ARHGAP44: variants seen among roughly 807,000 people sequenced by gnomAD.
The protein encoded by ARHGAP44 is Rho GTPase activating protein 44.
Under a neutral mutation model 106.8 loss-of-function variants are expected in ARHGAP44, and 43 were observed. The ratio of observed to expected loss-of-function variants is 0.40; its 90% CI spans 0.32 to 0.52. The LOEUF is 0.52. ARHGAP44 is among the 20% of genes least tolerant of loss of function. The pLI is 0.48. For missense variants in ARHGAP44, 866 were observed against 1,050.5 expected (o/e 0.82, Z 2.43); for synonymous variants, 439 against 410.3 (o/e 1.07, Z -0.85).
chr17:12,878,834 G>C lies in ARHGAP44; in HGVS notation c.54-16106G>C, dbSNP rs143080026. 3.9e-3 allele frequency among the ~76,000 whole-genome samples: 592 copies of C among 152,252 alleles called. 5 individuals are homozygous for C. Among genetic ancestry groups the C allele is most frequent in the African/African-American group, 0.014 (561 of 41,532 alleles). ...TTCTAGAATTTTCTTAAATCCTTTTGATCATTAAATGAGTTTATGACCTTA... is the reference window on the plus strand; with the variant it reads ...TTCTAGAATTTTCTTAAATCCTTTTCATCATTAAATGAGTTTATGACCTTA... On this transcript the variant is annotated intron_variant, in intron 1 of 20. Transcript: ENST00000379672.
intron 1 of ARHGAP44, among the ~76,000 whole-genome samples, chr17:12,845,680 T>C (rs575949830): frequency 1.3e-5 from 2 of 152,270 alleles, no homozygotes; most frequent in South Asian, 4.2e-4. Context: ...CATCTAACTA[T>C]CTTACTGAGT....
chr17:12,954,451 C>T (rs1032481922), intron 13 of ARHGAP44, among the ~76,000 whole-genome samples: 3 of 152,214 alleles, frequency 2.0e-5, no homozygotes, highest in Non-Finnish European at 4.4e-5. Flanking sequence ...TTGGCCTAAG[C>T]TCTCAGCTTA....
intron 1 of ARHGAP44, among the ~76,000 whole-genome samples, chr17:12,835,298 C>T (rs991695318): frequency 1.9e-4 from 29 of 152,042 alleles, no homozygotes; most frequent in African/African-American, 6.8e-4. Flanking sequence ...ATAAGAAAAA[C>T]GTGTGCACAG....
chr17:12,814,925 G>T (rs2034554388), intron 1 of ARHGAP44, among the ~76,000 whole-genome samples: 1 of 152,096 alleles, frequency 6.6e-6, no homozygotes, highest in Non-Finnish European at 1.5e-5. Context: ...GCTGAATCAT[G>T]GTTGACTGAT....
intron 1 of ARHGAP44, among the ~76,000 whole-genome samples, chr17:12,861,747 G>T (rs918903143): frequency 1.4e-4 from 21 of 148,238 alleles, no homozygotes; most frequent in Admixed American, 1.1e-3. Flanking sequence ...CGATTCTCCT[G>T]CCTCAGCCTC....
At chr17:12,972,916 C>G (rs898168187) in intron 16 of ARHGAP44, 5 of 165,624 alleles carry the variant, frequency 3.0e-5, no homozygotes, top group African/African-American at 1.2e-4. Flanking sequence ...CAGCCTCGGC[C>G]TCCCAAAGTG....
intron 1 of ARHGAP44, among the ~76,000 whole-genome samples, chr17:12,791,905 C>T (rs1456914698): frequency 6.6e-6 from 1 of 152,138 alleles, no homozygotes; most frequent in African/African-American, 2.4e-5. Context: ...TGATGAAATC[C>T]AGAGCAAGCC....
intron 1 of ARHGAP44, among the ~76,000 whole-genome samples, chr17:12,888,657 A>T (rs1462187090): frequency 6.6e-6 from 1 of 152,132 alleles, no homozygotes; most frequent in Non-Finnish European, 1.5e-5. Flanking sequence ...TTTAAAATTT[A>T]GTTCTATTAA....
intron 1 of ARHGAP44, among the ~76,000 whole-genome samples, chr17:12,841,594 T>TCTCACA (rs1417307080): frequency 2.4e-5 from 3 of 126,512 alleles, no homozygotes; most frequent in African/African-American, 1.0e-4. Context: ...TGTCTCTCTC[T>TCTCACA]CACACACACA....
chr17:12,959,620 A>G (rs1460886441), intron 16 of ARHGAP44, among the ~76,000 whole-genome samples: 1 of 152,246 alleles, frequency 6.6e-6, no homozygotes, highest in Non-Finnish European at 1.5e-5. Flanking sequence ...CGGCTCAGCC[A>G]TGGCAACCAG....
rs1246011491 is a variant in ARHGAP44 at position 12,954,600 on chromosome 17, T to A, written c.1137-1267T>A. On this transcript the variant is annotated intron_variant, in intron 13 of 20. Coordinates refer to ENST00000379672, the MANE Select transcript of ARHGAP44 (RefSeq NM_014859.6). ...GAGTCTGCTGGACTTTCTACCGGGC[T>A]CACGAAGGTGAGCAGAAAATCCCGA... Among the ~76,000 whole-genome samples, 9 of 152,094 alleles carry A rather than the reference T, an allele frequency of 5.9e-5. 1 individual carries two copies. The highest frequency in any genetic ancestry group is 2.9e-5 in the Non-Finnish European group (2 of 68,032).
At chr17:12,867,865 A>G (rs780474408) in intron 1 of ARHGAP44, among the ~76,000 whole-genome samples, 12 of 152,214 alleles carry the variant, frequency 7.9e-5, no homozygotes, top group Non-Finnish European at 1.8e-4. Flanking sequence ...CCTAACGTAT[A>G]AGAAACCAAA....
chr17:12,910,379 G>A (rs984874573), intron 4 of ARHGAP44, among the ~76,000 whole-genome samples: 3 of 148,144 alleles, frequency 2.0e-5, no homozygotes, highest in African/African-American at 7.4e-5. Context: ...ATTAAAATGT[G>A]TAGTACATAC....
At chr17:12,932,890 A>G (rs529127226) in intron 7 of ARHGAP44, among the ~76,000 whole-genome samples, 31 of 152,144 alleles carry the variant, frequency 2.0e-4, no homozygotes, top group Non-Finnish European at 4.3e-4. Context: ...TAATGATTTC[A>G]TAGCAAATAT....
chr17:12,911,900 GT>G (rs2037748094), intron 4 of ARHGAP44, among the ~76,000 whole-genome samples: 1 of 152,196 alleles, frequency 6.6e-6, no homozygotes, highest in Non-Finnish European at 1.5e-5. Flanking sequence ...GGAGAATCAG[GT>G]TAGTCCAAAA....
intron 1 of ARHGAP44, among the ~76,000 whole-genome samples, chr17:12,821,589 G>A (rs1222283619): frequency 2.0e-5 from 3 of 152,184 alleles, no homozygotes; most frequent in Admixed American, 6.5e-5. Flanking sequence ...CTGGCCTACC[G>A]TGAGCTAGAG....
At chr17:12,968,187 G>A (rs1328400956) in intron 16 of ARHGAP44, among the ~76,000 whole-genome samples, 8 of 152,118 alleles carry the variant, frequency 5.3e-5, no homozygotes, top group South Asian at 2.1e-4. Context: ...CTGATGAGGC[G>A]TCCCGATCCA....
intron 1 of ARHGAP44, among the ~76,000 whole-genome samples, chr17:12,823,888 A>G (rs1424850679): frequency 6.6e-6 from 1 of 152,190 alleles, no homozygotes; most frequent in South Asian, 2.1e-4. Flanking sequence ...ACTCTGCCCA[A>G]CCTCAGTAAA....
At position 12,949,570 on chromosome 17, in the gene ARHGAP44, C is replaced by A; in HGVS notation, c.974-79C>A. On this transcript the variant is annotated intron_variant, in intron 11 of 20. Transcript: ENST00000379672. This position sits in a 1 kb window ranked among gnomAD's most constrained non-coding sequence, Gnocchi z 4.1. The stretch of plus-strand genomic sequence containing the variant: ...AGGAGGCCCATCCCCAGATGGAACC[C>A]ACATAGGCAGTGCTGGCTGGTGGGT... The A allele has an allele frequency of 7.3e-7, 1 of 1,376,026 alleles. No individual in the cohort carries two copies. Among genetic ancestry groups the A allele is most frequent in the Non-Finnish European group, 1.0e-6 (1 of 977,246 alleles). 85.2% of individuals were successfully genotyped at this position (1,376,026 alleles called of 1,614,324 possible).
Sources: allele counts gnomAD v4.1 joint callset (sites outside exome capture counted in the v4.1 genomes callset), GRCh38; gene constraint gnomAD v4.1.1; non-coding constraint Gnocchi (gnomAD v3.1); transcripts MANE v1.5; gene names NCBI Gene and HGNC (gene_info 2026-07-23, HGNC 2026-07-21).